MBD5: variants seen among roughly 807,000 people sequenced by gnomAD.
The protein encoded by MBD5 is methyl-CpG binding domain protein 5.
MBD5 carries 13 observed loss-of-function variants against 117.3 expected under a neutral mutation model. That is an observed-to-expected ratio of 0.11 (90% CI 0.07 to 0.18). The LOEUF (loss-of-function observed/expected upper bound fraction) is 0.18. Among genes scored for constraint, MBD5 ranks in the 10% least tolerant of loss-of-function variants. MBD5 has a pLI of 1.00. For synonymous variants in MBD5, 727 were observed against 766.4 expected (o/e 0.95, Z 0.85); for missense variants, 1,879 against 2,093.8 (o/e 0.90, Z 2.00).
At chr2:148,095,329 C>G (rs1696040654) in intron 1 of MBD5, among the ~76,000 whole-genome samples, 1 of 152,030 alleles carries the variant, frequency 6.6e-6, no homozygotes, top group African/African-American at 2.4e-5. Flanking sequence ...TAAACTACTT[C>G]TTTGTGATAT....
intron 1 of MBD5, among the ~76,000 whole-genome samples, chr2:148,105,465 C>T (rs371895173): frequency 1.3e-5 from 2 of 152,120 alleles, no homozygotes; most frequent in African/African-American, 2.4e-5. Context: ...GTAATCTGCC[C>T]GGATCGGCCT....
At chr2:148,136,107 G>A (rs1697166268) in intron 1 of MBD5, among the ~76,000 whole-genome samples, 1 of 152,144 alleles carries the variant, frequency 6.6e-6, no homozygotes, top group South Asian at 2.1e-4. Flanking sequence ...AGAGTTGGGA[G>A]ATTAAAGCAT....
intron 3 of MBD5, among the ~76,000 whole-genome samples, chr2:148,284,572 A>G (rs1227235476): frequency 1.3e-5 from 2 of 152,086 alleles, no homozygotes; most frequent in Admixed American, 1.3e-4. Context: ...ACCCTCTATC[A>G]AAAGTGGGGG....
intron 4 of MBD5, among the ~76,000 whole-genome samples, chr2:148,379,693 T>C (rs1191869451): frequency 6.6e-6 from 1 of 151,894 alleles, no homozygotes; most frequent in Non-Finnish European, 1.5e-5. Context: ...GTTTCAGAGA[T>C]TGATAAAAAG....
intron 11 of MBD5, among the ~76,000 whole-genome samples, chr2:148,501,571 A>G (rs1681872791): frequency 6.6e-6 from 1 of 152,208 alleles, no homozygotes; most frequent in South Asian, 2.1e-4. Context: ...CCCAAGTCAC[A>G]TACAAGTTTT....
chr2:148,443,760 GT>G (rs1706404615), intron 4 of MBD5, among the ~76,000 whole-genome samples: 1 of 151,136 alleles, frequency 6.6e-6, no homozygotes, highest in African/African-American at 2.5e-5. Context: ...GGTAGTGGGG[GT>G]TTTTGGGGAG....
At chr2:148,053,011 G>A (rs1322926961) in intron 1 of MBD5, among the ~76,000 whole-genome samples, 2 of 151,410 alleles carry the variant, frequency 1.3e-5, no homozygotes, top group Non-Finnish European at 2.9e-5. Flanking sequence ...TCTACTTGGG[G>A]TGGAGTCTCC....
intron 1 of MBD5, among the ~76,000 whole-genome samples, chr2:148,160,800 A>G (rs954958387): frequency 6.6e-6 from 1 of 152,294 alleles, no homozygotes; most frequent in South Asian, 2.1e-4. Context: ...AAGAATTACA[A>G]AGGAGTTAAT....
chr2:148,190,928 G>T, intron 2 of MBD5, among the ~76,000 whole-genome samples: 1 of 137,364 alleles, frequency 7.3e-6, no homozygotes, highest in East Asian at 2.2e-4. Context: ...CAAGCAAATG[G>T]AAAACAAAAA....
rs541260976 is a variant in MBD5, at chr2:148,201,945, C to T, written c.-831+23152C>T. On this transcript the variant is annotated intron_variant, in intron 2 of 13. Transcript: ENST00000642680. ...AAATAAGTGAAGGGTAGGGATGAATCGGAGGAAAGCATGCCAAACAGGAAG... is the reference window on the plus strand; with the variant it reads ...AAATAAGTGAAGGGTAGGGATGAATTGGAGGAAAGCATGCCAAACAGGAAG... Among the ~76,000 whole-genome samples the T allele has an allele frequency of 3.1e-4, 47 of 152,192 alleles. 1 individual carries two copies. In the South Asian group the frequency reaches 7.1e-3, roughly 23 times the overall value.
rs1259343172 is a variant in MBD5, at chr2:148,513,908, T to G, written c.*967T>G. Reference sequence around the variant, plus strand: ...AATGATATCTGACAAGGTAAAACTTTCTATTTCCGTACATGGAGGCAAAAA... The same window carrying G: ...AATGATATCTGACAAGGTAAAACTTGCTATTTCCGTACATGGAGGCAAAAA... On this transcript the variant is annotated 3_prime_UTR_variant, in exon 14 of 14. Transcript: ENST00000642680. 1.3e-5 allele frequency: 2 copies of G among 152,204 alleles called. No homozygotes were observed. Among genetic ancestry groups the G allele is most frequent in the African/African-American group, 4.8e-5 (2 of 41,456 alleles). The allele number at this position is 152,204 out of a possible 1,614,324, so 9.4% of individuals were successfully genotyped here. A position where few individuals can be genotyped will look rare whatever the true frequency, so the allele number is the denominator to read the frequency against.
Position 148,200,230 on chromosome 2 carries a change from A to G in MBD5, c.-831+21437A>G, listed in dbSNP as rs948584550. 4.7e-5 allele frequency among the ~76,000 whole-genome samples: 7 copies of G among 150,128 alleles called. No homozygotes were observed. The East Asian group carries it at 1.4e-3, about 30-fold the overall frequency. ...AAATTTTCTAATGCATATGTAATCTACATATTTATTGTCTGCCCACACTAG... is the reference window on the plus strand; with the variant it reads ...AAATTTTCTAATGCATATGTAATCTGCATATTTATTGTCTGCCCACACTAG... On this transcript the variant is annotated intron_variant, in intron 2 of 13. Transcript: ENST00000642680.
At chr2:148,279,896 G>T (rs531779202) in intron 3 of MBD5, among the ~76,000 whole-genome samples, 2 of 151,954 alleles carry the variant, frequency 1.3e-5, no homozygotes, top group African/African-American at 4.8e-5. Context: ...TGATCCTCCC[G>T]CCTCAACCTC....
intron 4 of MBD5, among the ~76,000 whole-genome samples, chr2:148,367,240 T>C (rs1435254622): frequency 6.6e-6 from 1 of 152,148 alleles, no homozygotes. Context: ...GATTCCCTAT[T>C]TAATAAATGG....
chr2:148,280,131 C>CAAAAAAA (rs3076398), intron 3 of MBD5, among the ~76,000 whole-genome samples: 27 of 91,814 alleles, frequency 2.9e-4, no homozygotes, highest in South Asian at 4.5e-4. Flanking sequence ...AAACTAACTG[C>CAAAAAAA]AAAAAAAAAA....
chr2:148,050,076 T>C (rs1419974515), intron 1 of MBD5, among the ~76,000 whole-genome samples: 3 of 152,188 alleles, frequency 2.0e-5, no homozygotes, highest in African/African-American at 7.2e-5. Context: ...GGAATGTAAT[T>C]GCTGGGTCTC....
At chr2:148,218,765 A>G (rs1310229540) in intron 2 of MBD5, among the ~76,000 whole-genome samples, 2 of 152,248 alleles carry the variant, frequency 1.3e-5, no homozygotes, top group Non-Finnish European at 2.9e-5. Flanking sequence ...AAAAAGGTAC[A>G]ATAAAAGTAA....
At chr2:148,240,757 T>A (rs1419518616) in intron 3 of MBD5, among the ~76,000 whole-genome samples, 1 of 152,222 alleles carries the variant, frequency 6.6e-6, no homozygotes, top group Non-Finnish European at 1.5e-5. Context: ...TTCTTCAGGT[T>A]CACTGGCTGG....
chr2:148,142,792 TA>T (rs201813641), intron 1 of MBD5, among the ~76,000 whole-genome samples: 112 of 151,944 alleles, frequency 7.4e-4, no homozygotes, highest in African/African-American at 2.4e-3. Context: ...TTTGAACATA[TA>T]AAAAAAATTG....
Sources: gnomAD v4.1 joint callset for allele counts (sites outside exome capture counted in the v4.1 genomes callset) on GRCh38, gnomAD v4.1.1 for gene constraint, MANE v1.5 for transcripts, NCBI Gene and HGNC (gene_info 2026-07-23, HGNC 2026-07-21) for gene names.